Variants in LARP1 observed in about 807,000 individuals in gnomAD.
The protein encoded by LARP1 is la-related protein 1.
Under a neutral mutation model 122.7 loss-of-function variants are expected in LARP1, and 36 were observed. That is an observed-to-expected ratio of 0.29 (90% CI 0.22 to 0.39). The LOEUF is 0.39. Among genes scored for constraint, LARP1 ranks in the 10% least tolerant of loss-of-function variants. The pLI is 1.00. For synonymous variants in LARP1, 539 were observed against 528.7 expected (o/e 1.02, Z -0.27); for missense variants, 1,040 against 1,403.6 (o/e 0.74, Z 4.14).
intron 1 of LARP1, chr5:154,757,428 C>T (rs1305676040): frequency 6.6e-6 from 1 of 151,834 alleles, no homozygotes; most frequent in Non-Finnish European, 1.5e-5. Context: ...CCACTCTCCT[C>T]TCTCGGCCGG....
At chr5:154,728,920 T>C (rs1756390665) in intron 1 of LARP1, among the ~76,000 whole-genome samples, 1 of 152,146 alleles carries the variant, frequency 6.6e-6, no homozygotes, top group African/African-American at 2.4e-5. Context: ...GTAGAAATCA[T>C]CCTATGAAAC....
At chr5:154,726,012 G>A (rs1014338731) in intron 1 of LARP1, among the ~76,000 whole-genome samples, 10 of 74,318 alleles carry the variant, frequency 1.3e-4, no homozygotes, top group Non-Finnish European at 2.5e-4. Flanking sequence ...GCTAATTTTT[G>A]TATTTTTAGT....
rs140065646 is a variant in LARP1 at position 154,731,892 on chromosome 5, C to T, written c.205+18762C>T. ...CAAAAATTAGCTGGGTGTGATGGCC[C>T]GCGCCTGTAGTCCCAGCTACTCGGG... is the stretch of plus-strand genomic sequence containing the variant. On this transcript the variant is annotated intron_variant, in intron 1 of 18. Coordinates refer to the LARP1 transcript ENST00000336314. Among the ~76,000 whole-genome samples the T allele has an allele frequency of 5.7e-3, 859 of 151,972 alleles. 10 individuals carry two copies. The highest frequency in any genetic ancestry group is 0.019 in the African/African-American group (770 of 41,428).
intron 1 of LARP1, among the ~76,000 whole-genome samples, chr5:154,690,560 G>A (rs1754143948): frequency 6.6e-6 from 1 of 152,200 alleles, no homozygotes; most frequent in African/African-American, 2.4e-5. Flanking sequence ...GAGTACCAGG[G>A]CAGAGACTTG....
intron 1 of LARP1, among the ~76,000 whole-genome samples, chr5:154,767,583 A>G (rs1209651797): frequency 1.3e-5 from 2 of 152,174 alleles, no homozygotes; most frequent in Non-Finnish European, 2.9e-5. Context: ...GAGAAGCTCA[A>G]ATTGTGGTGC....
chr5:154,769,882 G>T (rs1388637892), intron 1 of LARP1, among the ~76,000 whole-genome samples: 2 of 152,190 alleles, frequency 1.3e-5, no homozygotes, highest in Non-Finnish European at 2.9e-5. Context: ...GAGACTGGTG[G>T]TGAACCTTCT....
intron 1 of LARP1, among the ~76,000 whole-genome samples, chr5:154,764,611 A>C (rs1029069603): frequency 4.0e-5 from 6 of 149,512 alleles, no homozygotes; most frequent in African/African-American, 1.5e-4. Context: ...AAAAAAAAAA[A>C]AAAAAAAAAC....
At chr5:154,762,543 G>C (rs1270117293) in intron 1 of LARP1, among the ~76,000 whole-genome samples, 1 of 151,806 alleles carries the variant, frequency 6.6e-6, no homozygotes, top group African/African-American at 2.4e-5. Context: ...TTTTTTTCTT[G>C]GCTGAACCTT....
chr5:154,713,946 G>A (rs1461323473), intron 1 of LARP1, among the ~76,000 whole-genome samples: 1 of 152,200 alleles, frequency 6.6e-6, no homozygotes, highest in Non-Finnish European at 1.5e-5. Flanking sequence ...TGAACACAGG[G>A]CCTGGAGGCC....
chr5:154,753,726 G>C (rs1753629877), upstream of LARP1, among the ~76,000 whole-genome samples: 1 of 152,182 alleles, frequency 6.6e-6, no homozygotes, highest in Non-Finnish European at 1.5e-5. Context: ...CGGCTAGCTG[G>C]CCAAGGCTTG....
intron 8 of LARP1, among the ~76,000 whole-genome samples, chr5:154,798,867 G>T (rs1327710254): frequency 1.3e-5 from 2 of 151,942 alleles, no homozygotes; most frequent in Admixed American, 6.6e-5. Flanking sequence ...TTGTTTGTTT[G>T]TTTGTTTGTT....
chr5:154,699,306 T>C (rs1754609145), intron 1 of LARP1, among the ~76,000 whole-genome samples: 1 of 152,086 alleles, frequency 6.6e-6, no homozygotes, highest in South Asian at 2.1e-4. Flanking sequence ...AAATAAAGAT[T>C]CTTGGGCCCC....
intron 1 of LARP1, among the ~76,000 whole-genome samples, chr5:154,776,338 C>T (rs1247825333): frequency 3.9e-5 from 6 of 152,292 alleles, no homozygotes; most frequent in African/African-American, 1.4e-4. Flanking sequence ...CCCTTGTGAC[C>T]TCATATCTGT....
exon 1 of LARP1, chr5:154,712,976 G>A: frequency 6.2e-7 from 1 of 1,614,166 alleles, no homozygotes; most frequent in Non-Finnish European, 8.5e-7. Context: ...CTCACCCAGA[G>A]CTGGATTTCC....
At chr5:154,782,809 G>A (rs1365622046) in intron 1 of LARP1, among the ~76,000 whole-genome samples, 7 of 152,196 alleles carry the variant, frequency 4.6e-5, no homozygotes, top group African/African-American at 7.2e-5. Flanking sequence ...AGATGGTACC[G>A]ACAGCAGCAG....
At chr5:154,688,973 GAA>G (rs1346715065) in intron 1 of LARP1, among the ~76,000 whole-genome samples, 1 of 152,184 alleles carries the variant, frequency 6.6e-6, no homozygotes. Context: ...ATTCAGAAAA[GAA>G]AAATACTATA....
chr5:154,773,941 G>C (rs1755650867), intron 1 of LARP1, among the ~76,000 whole-genome samples: 1 of 152,136 alleles, frequency 6.6e-6, no homozygotes, highest in Admixed American at 6.5e-5. Flanking sequence ...CTAAATAATT[G>C]GTTTGTCCAA....
At chr5:154,707,391 C>T (rs1755002166) in intron 1 of LARP1, among the ~76,000 whole-genome samples, 1 of 152,206 alleles carries the variant, frequency 6.6e-6, no homozygotes, top group Non-Finnish European at 1.5e-5. Flanking sequence ...CTCTTTGACA[C>T]AACTCTATCT....
intron 1 of LARP1, among the ~76,000 whole-genome samples, chr5:154,759,630 G>C (rs1466464364): frequency 6.6e-6 from 1 of 152,220 alleles, no homozygotes; most frequent in African/African-American, 2.4e-5. Flanking sequence ...AAAGTTTGCT[G>C]TGGCTGGTGC....
Sources: gnomAD v4.1 joint callset for allele counts (sites outside exome capture counted in the v4.1 genomes callset) on GRCh38, gnomAD v4.1.1 for gene constraint, MANE v1.5 for transcripts, NCBI Gene and HGNC (gene_info 2026-07-23, HGNC 2026-07-21) for gene names.